OR8B3: variants seen among roughly 807,000 people sequenced by gnomAD.
The protein encoded by OR8B3 is olfactory receptor 8B3.
For missense variants in OR8B3, 278 were observed against 377.6 expected, an observed-to-expected ratio of 0.74 and a Z score of 2.19; for synonymous variants, 102 against 135.4, an observed-to-expected ratio of 0.75 and a Z score of 1.71.
chr11:124,396,432 A>T lies in OR8B3; in HGVS notation c.920T>A (p.Ile307Asn), dbSNP rs1200684830. 1 of 1,601,890 alleles carries T rather than the reference A, an allele frequency of 6.2e-7. No individual in the cohort carries two copies. Among genetic ancestry groups the T allele is most frequent in the African/African-American group, 1.4e-5 (1 of 74,014 alleles). ...TAATTAGAATATATTTCTTCTCTGA[A>T]TTTTAATCAGAGCTTTCCTCAGTGC... ...KVALRKALIK[I>N]QRRNIF is the part of the protein sequence containing the mutation. The change falls in exon 2 of 2, where the codon ATT becomes AAT. Residue 307 changes from isoleucine (I) to asparagine (N), a missense_variant. Physicochemically the swap from Ile to Asn is moderately radical, Grantham distance 149 (BLOSUM62 -3). Coordinates refer to ENST00000641139, the MANE Select transcript of OR8B3 (RefSeq NM_001005467.2).
upstream of OR8B3, among the ~76,000 whole-genome samples, chr11:124,402,841 T>TA (rs1861017953): frequency 6.6e-6 from 1 of 151,994 alleles, no homozygotes; most frequent in Non-Finnish European, 1.5e-5. Flanking sequence ...GCTTCTTTTT[T>TA]TTTTTTTATT....
rs1206285440 is a variant in OR8B3, at chr11:124,398,713, G to A, written c.-41C>T. 6.6e-6 allele frequency: 1 copy of A among 152,236 alleles called. No individual in the cohort carries two copies. The highest frequency in any genetic ancestry group is 1.5e-5 in the Non-Finnish European group (1 of 68,052). 9.4% of individuals were successfully genotyped at this position (152,236 alleles called of 1,614,324 possible). On this transcript the variant is annotated 5_prime_UTR_variant, in exon 1 of 2. Transcript: ENST00000641139. ...ACCTTCCTTCCACTCAGAGAACTCA[G>A]TGCTGACCATTGATATGTGTTTCAC... is the stretch of plus-strand genomic sequence containing the variant.
upstream of OR8B3, among the ~76,000 whole-genome samples, chr11:124,401,738 T>G (rs1200379012): frequency 4.6e-5 from 7 of 152,144 alleles, no homozygotes; most frequent in African/African-American, 1.7e-4. Context: ...GAGAGAAGTA[T>G]CTGATCTGGG....
chr11:124,407,488 T>C, the OR8B3 span, among the ~76,000 whole-genome samples: 1 of 152,184 alleles, frequency 6.6e-6, no homozygotes, highest in Non-Finnish European at 1.5e-5. Flanking sequence ...TAAACCAATG[T>C]TGTTACATTT....
upstream of OR8B3, among the ~76,000 whole-genome samples, chr11:124,403,406 GC>G (rs753144064): frequency 1.2e-4 from 18 of 152,012 alleles, no homozygotes; most frequent in Admixed American, 7.2e-4. Flanking sequence ...CGGGGCGGCT[GC>G]CGGGCGGAGG....
chr11:124,403,362 G>C (rs577728038), upstream of OR8B3, among the ~76,000 whole-genome samples: 2 of 151,826 alleles, frequency 1.3e-5, no homozygotes, highest in East Asian at 3.9e-4. Context: ...CAGACGGGGC[G>C]GCTGCCGGGC....
chr11:124,408,155 T>A, the OR8B3 span, among the ~76,000 whole-genome samples: 4 of 152,220 alleles, frequency 2.6e-5, no homozygotes, highest in Admixed American at 2.6e-4. Context: ...ATTCATTTTT[T>A]AGCTCTGGTA....
chr11:124,409,263 G>C, the OR8B3 span, among the ~76,000 whole-genome samples: 1 of 152,146 alleles, frequency 6.6e-6, no homozygotes, highest in Non-Finnish European at 1.5e-5. Flanking sequence ...CTGTGGCAGC[G>C]CTTACTTTCA....
chr11:124,409,354 T>A, the OR8B3 span, among the ~76,000 whole-genome samples: 4 of 152,216 alleles, frequency 2.6e-5, no homozygotes, highest in Non-Finnish European at 5.9e-5. Context: ...GCCACTAGTT[T>A]TTGCAACTTG....
chr11:124,397,875 A>G (rs1433274708), intron 1 of OR8B3, among the ~76,000 whole-genome samples: 2 of 151,940 alleles, frequency 1.3e-5, no homozygotes, highest in Non-Finnish European at 2.9e-5. Context: ...TTGTATTTTT[A>G]GTAGAGACAG....
chr11:124,399,249 G>A (rs1860950060), upstream of OR8B3, among the ~76,000 whole-genome samples: 2 of 143,668 alleles, frequency 1.4e-5, no homozygotes, highest in African/African-American at 2.8e-5. Flanking sequence ...GCTTTAACAG[G>A]AATGTAAGTA....
Position 124,396,260 on chromosome 11 carries a change from A to G in OR8B3, c.*150T>C. The G allele has an allele frequency of 1.2e-6, 1 of 805,286 alleles. No individual in the cohort carries two copies. The highest frequency in any genetic ancestry group is 2.8e-5 in the East Asian group (1 of 36,032). 49.9% of individuals were successfully genotyped at this position (805,286 alleles called of 1,614,324 possible). ...AGTGCCAGAGATGCAAAACCAAAAA[A>G]AGAGACAAGATGATTTCATAAGAGA... is the stretch of plus-strand genomic sequence containing the variant. On this transcript the variant is annotated 3_prime_UTR_variant, in exon 2 of 2. Transcript: ENST00000641139.
chr11:124,407,431 C>A, the OR8B3 span, among the ~76,000 whole-genome samples: 1 of 151,950 alleles, frequency 6.6e-6, no homozygotes, highest in Non-Finnish European at 1.5e-5. Flanking sequence ...CTCTCATGTC[C>A]CCTAATATTA....
the OR8B3 span, among the ~76,000 whole-genome samples, chr11:124,405,755 A>C: frequency 2.3e-4 from 35 of 152,352 alleles, no homozygotes; most frequent in Non-Finnish European, 4.7e-4. Flanking sequence ...CTCTGGAGAA[A>C]GTGATTCAAA....
chr11:124,402,883 AT>A (rs1211398460), upstream of OR8B3, among the ~76,000 whole-genome samples: 1 of 144,900 alleles, frequency 6.9e-6, no homozygotes, highest in Non-Finnish European at 1.5e-5. Context: ...GCAGATGGGG[AT>A]TTGGCAGGGT....
the OR8B3 span, among the ~76,000 whole-genome samples, chr11:124,407,556 G>C: frequency 6.6e-6 from 1 of 152,022 alleles, no homozygotes; most frequent in East Asian, 1.9e-4. Context: ...TCATTTTTCT[G>C]TGCCAGGTCA....
At chr11:124,402,671 C>G (rs1861014458), upstream of OR8B3, among the ~76,000 whole-genome samples, 1 of 152,098 alleles carries the variant, frequency 6.6e-6, no homozygotes, top group African/African-American at 2.4e-5. Context: ...AAACTTAGAT[C>G]AAACCATTTT....
chr11:124,397,854 C>T (rs1296580010), intron 1 of OR8B3, among the ~76,000 whole-genome samples: 1 of 152,008 alleles, frequency 6.6e-6, no homozygotes, highest in African/African-American at 2.4e-5. Context: ...TGCCACGATC[C>T]CAGCTAATTT....
chr11:124,400,540 T>C (rs535578317), upstream of OR8B3, among the ~76,000 whole-genome samples: 2 of 152,204 alleles, frequency 1.3e-5, no homozygotes, highest in African/African-American at 4.8e-5. Context: ...ATTATACTTA[T>C]TTATTTAAAA....
Sources: allele counts gnomAD v4.1 joint callset (sites outside exome capture counted in the v4.1 genomes callset), GRCh38; gene constraint gnomAD v4.1.1; transcripts MANE v1.5; gene names NCBI Gene and HGNC (gene_info 2026-07-23, HGNC 2026-07-21).